SPEF2: variants seen among roughly 807,000 people sequenced by gnomAD.
The protein encoded by SPEF2 is sperm flagellar and cilia associated 2.
A neutral mutation model predicts 224.6 loss-of-function variants in SPEF2; 187 were observed. The observed-to-expected ratio is 0.83, with a 90% confidence interval of 0.74 to 0.94. SPEF2 has a LOEUF of 0.94. Among genes scored for constraint, SPEF2 ranks in the 40% least tolerant of loss-of-function variants. SPEF2 has a pLI of 0.00. For missense variants in SPEF2, 2,170 were observed against 2,135.6 expected (o/e 1.02, Z -0.32); for synonymous variants, 715 against 707.3 (o/e 1.01, Z -0.17).
At chr5:35,653,816 G>A (rs28702640) in intron 6 of SPEF2, among the ~76,000 whole-genome samples, 97 of 149,712 alleles carry the variant, frequency 6.5e-4, no homozygotes, top group African/African-American at 2.3e-3. Flanking sequence ...GCGTGGTGGC[G>A]TGTGCCTGTA....
In SPEF2 at chr5:35,808,105, A is replaced by T. The variant is rs569225883; in HGVS notation, c.5379+852A>T. 1.2e-4 allele frequency: 118 copies of T among 1,005,020 alleles called. No homozygotes were observed. The African/African-American group carries it at 1.9e-3, about 16-fold the overall frequency. 62.3% of individuals were successfully genotyped at this position (1,005,020 alleles called of 1,614,324 possible). On this transcript the variant is annotated intron_variant, in intron 36 of 36. Coordinates refer to ENST00000356031, the MANE Select transcript of SPEF2 (RefSeq NM_024867.4). ...TTACATTTTGCAGTTTTCTTCCTAT[A>T]CCCACAAATGAAACTATTCAGACTT...
intron 28 of SPEF2, among the ~76,000 whole-genome samples, chr5:35,774,433 C>A (rs2149789340): frequency 6.6e-6 from 1 of 152,102 alleles, no homozygotes; most frequent in Admixed American, 6.5e-5. Flanking sequence ...ATTTAGGTAC[C>A]TAATTAGGAA....
At chr5:35,658,580 A>G (rs1389405479) in intron 7 of SPEF2, among the ~76,000 whole-genome samples, 2 of 150,066 alleles carry the variant, frequency 1.3e-5, no homozygotes, top group Admixed American at 1.3e-4. Context: ...GAGTTATAGC[A>G]CTTATTTTTT....
At chr5:35,736,628 A>G (rs974150097) in intron 21 of SPEF2, among the ~76,000 whole-genome samples, 2 of 152,182 alleles carry the variant, frequency 1.3e-5, no homozygotes, top group African/African-American at 4.8e-5. Flanking sequence ...CCCTTGACAC[A>G]TGGAGATTAT....
At chr5:35,649,934 C>T (rs186601603) in intron 6 of SPEF2, among the ~76,000 whole-genome samples, 28 of 152,312 alleles carry the variant, frequency 1.8e-4, no homozygotes, top group Admixed American at 1.1e-3. Flanking sequence ...AAAGATAAAG[C>T]TCCTTCACAC....
intron 26 of SPEF2, among the ~76,000 whole-genome samples, chr5:35,770,234 C>T (rs987974159): frequency 1.3e-5 from 2 of 152,118 alleles, no homozygotes; most frequent in African/African-American, 4.8e-5. Flanking sequence ...TCTTAATTTA[C>T]AAATAATAAT....
chr5:35,718,417 G>A (rs908421229), intron 20 of SPEF2, among the ~76,000 whole-genome samples: 1 of 152,088 alleles, frequency 6.6e-6, no homozygotes, highest in African/African-American at 2.4e-5. Flanking sequence ...GGGATACAGA[G>A]TGAAGATGAA....
At chr5:35,697,604 G>T in intron 14 of SPEF2, 86 bp from the exon 15 acceptor site, 2 of 1,031,650 alleles carry the variant, frequency 1.9e-6, no homozygotes, top group East Asian at 2.6e-5. Flanking sequence ...CAGAGAGCCT[G>T]GTCATTTAAT....
At chr5:35,756,337 G>T (rs1447976858) in intron 24 of SPEF2, among the ~76,000 whole-genome samples, 2 of 152,170 alleles carry the variant, frequency 1.3e-5, no homozygotes, top group Non-Finnish European at 2.9e-5. Flanking sequence ...CATCCCCCAT[G>T]GATAAGGGAG....
rs1758361239 is a variant in SPEF2, at chr5:35,808,836, TATAC to T, written c.5379+1587_5379+1590del. On this transcript the variant is annotated intron_variant, in intron 36 of 36. Coordinates refer to ENST00000356031, the MANE Select transcript of SPEF2 (RefSeq NM_024867.4). ...TATATATACATATATGTATGTAACA[TATAC>T]ATATATTTTTTAAATATATATGTAA... Among the ~76,000 whole-genome samples the T allele has an allele frequency of 4.7e-5, 7 of 148,218 alleles. No individual in the cohort carries two copies. In the Admixed American group the frequency reaches 4.8e-4, roughly 10 times the overall value.
At chr5:35,742,854 A>T (rs1249082729) in intron 23 of SPEF2, among the ~76,000 whole-genome samples, 1 of 152,104 alleles carries the variant, frequency 6.6e-6, no homozygotes, top group East Asian at 1.9e-4. Flanking sequence ...GTTTATATTG[A>T]TAAATAAGGA....
Position 35,740,234 on chromosome 5 carries a change from G to A in SPEF2, c.3297G>A (p.Glu1099=). The A allele has an allele frequency of 6.2e-7, 1 of 1,614,038 alleles. No individual in the cohort carries two copies. Among genetic ancestry groups the A allele is most frequent in the Non-Finnish European group, 8.5e-7 (1 of 1,179,990 alleles). The change falls in exon 23 of 37, where the codon GAG becomes GAA. Residue 1099 remains glutamate, a synonymous_variant. Transcript: ENST00000356031. ...NSLPDDLWDD[E]ETKAELHQRV... is the part of the protein sequence containing the mutation. Reference sequence around the variant, plus strand: ...TTCCTGATGACCTGTGGGATGATGAGGAAACAAAGGCTGAACTACATCAAC... The same window carrying A: ...TTCCTGATGACCTGTGGGATGATGAAGAAACAAAGGCTGAACTACATCAAC...
At chr5:35,657,131 C>A (rs1170973698) in intron 7 of SPEF2, among the ~76,000 whole-genome samples, 1 of 152,206 alleles carries the variant, frequency 6.6e-6, no homozygotes, top group East Asian at 1.9e-4. Context: ...TGACATAAAT[C>A]CCACATCAGC....
At chr5:35,629,962 C>T (rs1744849557) in intron 2 of SPEF2, among the ~76,000 whole-genome samples, 1 of 152,176 alleles carries the variant, frequency 6.6e-6, no homozygotes, top group Non-Finnish European at 1.5e-5. Context: ...TTGATGGTTA[C>T]AATCCTCTGT....
chr5:35,636,975 CAAA>C (rs1168479903), intron 2 of SPEF2, among the ~76,000 whole-genome samples: 12 of 58,784 alleles, frequency 2.0e-4, no homozygotes, highest in Admixed American at 4.0e-4. Context: ...GACTCTGTCT[CAAA>C]AAAAAAAAAA....
intron 21 of SPEF2, among the ~76,000 whole-genome samples, chr5:35,739,703 A>G (rs1367202525): frequency 2.6e-5 from 4 of 152,126 alleles, no homozygotes; most frequent in African/African-American, 9.7e-5. Context: ...TTCTGGAATA[A>G]ATAATATCTG....
At chr5:35,759,791 C>A in intron 25 of SPEF2, 72 bp downstream of exon 25, 2 of 1,341,740 alleles carry the variant, frequency 1.5e-6, no homozygotes, top group South Asian at 2.1e-5. Flanking sequence ...TTAATTACCA[C>A]TAATAAAAAT....
At chr5:35,796,904 C>T (rs571619474) in intron 33 of SPEF2, among the ~76,000 whole-genome samples, 3 of 152,224 alleles carry the variant, frequency 2.0e-5, no homozygotes, top group South Asian at 2.1e-4. Context: ...ATAAGGTTGG[C>T]AGTTGCAGGG....
chr5:35,764,500 A>AG, intron 26 of SPEF2: 1 of 449,972 alleles, frequency 2.2e-6, no homozygotes, highest in Non-Finnish European at 4.5e-6. Context: ...ATACACACAG[A>AG]ATTTAACTCA....
Sources: allele counts gnomAD v4.1 joint callset (sites outside exome capture counted in the v4.1 genomes callset), GRCh38; gene constraint gnomAD v4.1.1; transcripts MANE v1.5; gene names NCBI Gene and HGNC (gene_info 2026-07-23, HGNC 2026-07-21).